The following GNAZ variants were observed in gnomAD, a reference collection of about 807,000 sequenced individuals.
GNAZ encodes G protein subunit alpha z, also known as guanine nucleotide-binding protein G(z) subunit alpha.
In GNAZ, 3 loss-of-function variants were observed where a neutral mutation model predicts 25.4. The ratio of observed to expected loss-of-function variants is 0.12; its 90% CI spans 0.05 to 0.30. The LOEUF (loss-of-function observed/expected upper bound fraction) is 0.30, where lower values mean the gene tolerates loss of function less well. Ranked by LOEUF, GNAZ falls within the 10% of genes least tolerant of loss-of-function variation. GNAZ has a pLI of 1.00. For synonymous variants in GNAZ, 211 were observed against 205.7 expected (o/e 1.03, Z -0.22); for missense variants, 241 against 501.8 (o/e 0.48, Z 4.97).
At chr22:23,114,395 C>T (rs2069756747) in intron 2 of GNAZ, among the ~76,000 whole-genome samples, 1 of 152,232 alleles carries the variant, frequency 6.6e-6, no homozygotes, top group African/African-American at 2.4e-5. Context: ...GGCCCCGGCC[C>T]CACCCTTCCC....
intron 1 of GNAZ, among the ~76,000 whole-genome samples, chr22:23,075,799 C>G (rs1326090154): frequency 6.6e-6 from 1 of 152,180 alleles, no homozygotes; most frequent in African/African-American, 2.4e-5. Context: ...TCAGGAGACC[C>G]TTGGCCCCTG....
rs185048873 is a variant in GNAZ, at chr22:23,100,137, G to A, written c.723+3719G>A. The stretch of plus-strand genomic sequence containing the variant: ...CTGTGCAGGCTCAAGGCTCAGGCTG[G>A]GGCCAAGTATGAGGGTGAGCACAAC... On this transcript the variant is annotated intron_variant, in intron 2 of 2. Coordinates refer to ENST00000615612, the MANE Select transcript of GNAZ (RefSeq NM_002073.4). Among the ~76,000 whole-genome samples, 296 of 152,378 alleles carry A rather than the reference G, an allele frequency of 1.9e-3. 1 individual carries two copies. Among genetic ancestry groups the A allele is most frequent in the Middle Eastern group, 6.8e-3 (2 of 294 alleles).
At chr22:23,091,567 C>T (rs542478148) in intron 1 of GNAZ, among the ~76,000 whole-genome samples, 7 of 151,990 alleles carry the variant, frequency 4.6e-5, no homozygotes, top group East Asian at 3.9e-4. Context: ...TACATGCACA[C>T]GCACCGCAGT....
At chr22:23,082,886 CCA>C (rs2068720626) in intron 1 of GNAZ, among the ~76,000 whole-genome samples, 1 of 152,124 alleles carries the variant, frequency 6.6e-6, no homozygotes, top group Non-Finnish European at 1.5e-5. Flanking sequence ...TGTGCAGAGT[CCA>C]CAGTGTCTTC....
At chr22:23,098,408 C>T (rs2069188018) in intron 2 of GNAZ, among the ~76,000 whole-genome samples, 1 of 152,188 alleles carries the variant, frequency 6.6e-6, no homozygotes, top group Non-Finnish European at 1.5e-5. Context: ...GCTGGGTGGC[C>T]CCTGTGGGGC....
intron 2 of GNAZ, among the ~76,000 whole-genome samples, chr22:23,107,816 G>A (rs2069527773): frequency 6.6e-6 from 1 of 152,194 alleles, no homozygotes. Context: ...AGCCGGAAGA[G>A]CACCTGCTTA....
intron 2 of GNAZ, among the ~76,000 whole-genome samples, chr22:23,106,434 G>A (rs890532249): frequency 1.3e-5 from 2 of 151,862 alleles, no homozygotes; most frequent in East Asian, 1.9e-4. Context: ...GTACAGCACC[G>A]TCTCCATCTC....
Position 23,071,029 on chromosome 22 carries a change from G to A in GNAZ, c.-450+459G>A, listed in dbSNP as rs1048240402. On this transcript the variant is annotated intron_variant, in intron 1 of 2. Transcript: ENST00000615612. This position sits in a 1 kb window ranked among gnomAD's most constrained non-coding sequence, Gnocchi z 4.1. ...GATGCAGGGCCTTGCCTGAAACCGA[G>A]GAGAGGGCCCCAGAGGCCTGGGCCC... is the stretch of plus-strand genomic sequence containing the variant. Among the ~76,000 whole-genome samples the A allele has an allele frequency of 6.6e-6, 1 of 152,212 alleles. No homozygotes were observed. Among genetic ancestry groups the A allele is most frequent in the Non-Finnish European group, 1.5e-5 (1 of 68,026 alleles).
intron 2 of GNAZ, among the ~76,000 whole-genome samples, chr22:23,120,872 TTAA>T (rs1457253434): frequency 1.3e-5 from 2 of 152,184 alleles, no homozygotes; most frequent in Non-Finnish European, 2.9e-5. Context: ...GCTCAGTAAA[TTAA>T]TAATACGTGC....
In GNAZ at chr22:23,095,606, C is replaced by T; in HGVS notation, c.-90C>T. ...ACTGAGTGCCTCCAGGGCAGCTGGGCTCTTGTCTGCCTGGTCTCAGTGTCC... is the reference window on the plus strand; with the variant it reads ...ACTGAGTGCCTCCAGGGCAGCTGGGTTCTTGTCTGCCTGGTCTCAGTGTCC... On this transcript the variant is annotated 5_prime_UTR_variant, in exon 2 of 3. Transcript: ENST00000615612. 1 of 1,432,300 alleles carries T rather than the reference C, an allele frequency of 7.0e-7. No homozygotes were observed. The highest frequency in any genetic ancestry group is 9.4e-7 in the Non-Finnish European group (1 of 1,066,386). 88.7% of individuals were successfully genotyped at this position (1,432,300 alleles called of 1,614,324 possible).
chr22:23,121,352 C>T (rs899636094), intron 2 of GNAZ, among the ~76,000 whole-genome samples: 3 of 152,218 alleles, frequency 2.0e-5, no homozygotes, highest in African/African-American at 7.2e-5. Flanking sequence ...ACAGATGCTG[C>T]CAGAGCTGTT....
intron 1 of GNAZ, among the ~76,000 whole-genome samples, chr22:23,094,614 C>T (rs2069072839): frequency 6.6e-6 from 1 of 152,234 alleles, no homozygotes; most frequent in Admixed American, 6.5e-5. Flanking sequence ...CAGCCCCTGC[C>T]CACTGTGCTT....
chr22:23,099,533 A>G (rs1444242060), intron 2 of GNAZ, among the ~76,000 whole-genome samples: 1 of 152,252 alleles, frequency 6.6e-6, no homozygotes, highest in Non-Finnish European at 1.5e-5. Context: ...CCTGTGGGGC[A>G]GCAGCGCCTG....
At chr22:23,105,184 C>G (rs571730855) in intron 2 of GNAZ, among the ~76,000 whole-genome samples, 1 of 152,306 alleles carries the variant, frequency 6.6e-6, no homozygotes, top group East Asian at 1.9e-4. Context: ...CACACCTTTT[C>G]CTGGCCTGTG....
chr22:23,093,380 T>C (rs1404975152), intron 1 of GNAZ, among the ~76,000 whole-genome samples: 3 of 152,186 alleles, frequency 2.0e-5, no homozygotes, highest in Non-Finnish European at 2.9e-5. Flanking sequence ...CAGTGCTTAC[T>C]GAACACCCAC....
intron 2 of GNAZ, among the ~76,000 whole-genome samples, chr22:23,104,293 C>T (rs936107762): frequency 3.3e-5 from 5 of 152,148 alleles, no homozygotes; most frequent in African/African-American, 1.2e-4. Flanking sequence ...GGGTGGGTGT[C>T]GCTGCCTGAG....
Position 23,096,069 on chromosome 22 carries a change from TG to T in GNAZ, c.377del (p.Gly126ValfsTer32). ...AAGGGCGAGATCACACCCGAGCTGC[TG>T]GGTGTCATGCGACGGCTCTGGGCCG... ...ESKGEITPEL[L>X]GVMRRLWADP... On this transcript the variant is annotated frameshift_variant, in exon 2 of 3. Transcript: ENST00000615612. LOFTEE classifies it high-confidence loss of function. 1 of 1,608,354 alleles carries T rather than the reference TG, an allele frequency of 6.2e-7. No individual in the cohort carries two copies. Among genetic ancestry groups the T allele is most frequent in the Non-Finnish European group, 8.5e-7 (1 of 1,179,942 alleles).
chr22:23,081,821 CAAAAAAAAAAA>C (rs55713577), intron 1 of GNAZ, among the ~76,000 whole-genome samples: 1 of 46,746 alleles, frequency 2.1e-5, no homozygotes, highest in African/African-American at 9.1e-5. Flanking sequence ...GATTCCATCT[CAAAAAAAAAAA>C]AAAAAAAAAA....
chr22:23,085,734 C>T (rs892163353), intron 1 of GNAZ, among the ~76,000 whole-genome samples: 3 of 152,222 alleles, frequency 2.0e-5, no homozygotes, highest in Admixed American at 2.0e-4. Flanking sequence ...GGCCCTGGTT[C>T]CCCATGTACC....
Sources: allele counts gnomAD v4.1 joint callset (sites outside exome capture counted in the v4.1 genomes callset), GRCh38; gene constraint gnomAD v4.1.1; non-coding constraint Gnocchi (gnomAD v3.1); transcripts MANE v1.5; gene names NCBI Gene and HGNC (gene_info 2026-07-23, HGNC 2026-07-21).